Variants in CREBBP observed in about 807,000 individuals in gnomAD.
The protein encoded by CREBBP is CREB binding lysine acetyltransferase, also known as CREB-binding protein.
A neutral mutation model predicts 265.0 loss-of-function variants in CREBBP; 19 were observed. The ratio of observed to expected loss-of-function variants is 0.07; its 90% CI spans 0.05 to 0.11. The LOEUF is 0.11. Ranked by LOEUF, CREBBP falls within the 10% of genes least tolerant of loss-of-function variation. The pLI, the probability that CREBBP is intolerant of heterozygous loss-of-function variation, is 1.00. For missense variants in CREBBP, 2,525 were observed against 3,219.0 expected, an observed-to-expected ratio of 0.78 and a Z score of 5.22; for synonymous variants, 1,457 against 1,223.7, an observed-to-expected ratio of 1.19 and a Z score of -3.98.
chr16:3,748,413 G>A (rs761481529), intron 21 of CREBBP, among the ~76,000 whole-genome samples: 3 of 152,242 alleles, frequency 2.0e-5, no homozygotes, highest in Non-Finnish European at 2.9e-5. Context: ...AGGGGTGGGC[G>A]CTCTGCCCTG....
intron 1 of CREBBP, among the ~76,000 whole-genome samples, chr16:3,868,069 TAAG>T (rs1456636357): frequency 2.0e-5 from 3 of 151,658 alleles, no homozygotes; most frequent in Admixed American, 6.6e-5. Flanking sequence ...GCAAAAAGAG[TAAG>T]AAGAGACCAT....
chr16:3,748,583 G>T (rs1477263644), intron 21 of CREBBP, among the ~76,000 whole-genome samples: 1 of 152,222 alleles, frequency 6.6e-6, no homozygotes, highest in Non-Finnish European at 1.5e-5. Context: ...GGCTTCCCTG[G>T]AGAGGGTCAG....
intron 1 of CREBBP, among the ~76,000 whole-genome samples, chr16:3,858,769 T>C (rs1232256405): frequency 6.6e-6 from 1 of 152,216 alleles, no homozygotes; most frequent in Non-Finnish European, 1.5e-5. Context: ...TTTAAGACTT[T>C]TTCCTATTGC....
At chr16:3,775,951 T>C (rs890994072) in intron 11 of CREBBP, among the ~76,000 whole-genome samples, 4 of 151,980 alleles carry the variant, frequency 2.6e-5, no homozygotes, top group African/African-American at 9.7e-5. Flanking sequence ...GATTTCGCTC[T>C]TGTTGCCCAG....
intron 3 of CREBBP, 83 bp from the exon 4 acceptor site, chr16:3,793,709 A>C: frequency 6.7e-7 from 1 of 1,494,222 alleles, no homozygotes; most frequent in Non-Finnish European, 9.1e-7. Flanking sequence ...AAACAAAAGC[A>C]AAAGCTGATG....
chr16:3,873,093 TCA>T (rs1470531100), intron 1 of CREBBP, among the ~76,000 whole-genome samples: 1 of 152,228 alleles, frequency 6.6e-6, no homozygotes, highest in African/African-American at 2.4e-5. Context: ...TTCTAAGTAC[TCA>T]CAGGCATCTA....
intron 24 of CREBBP, 30 bp downstream of exon 24, chr16:3,740,369 C>T (rs765895433): frequency 1.2e-6 from 2 of 1,613,624 alleles, no homozygotes; most frequent in African/African-American, 1.3e-5. Context: ...GGACTGCTCG[C>T]AGAGCACTGT....
chr16:3,861,046 G>A (rs1261044666), intron 1 of CREBBP, among the ~76,000 whole-genome samples: 1 of 152,094 alleles, frequency 6.6e-6, no homozygotes, highest in East Asian at 1.9e-4. Flanking sequence ...GCAGACAGGT[G>A]GGTCACCTAT....
intron 14 of CREBBP, among the ~76,000 whole-genome samples, chr16:3,770,248 C>G (rs1285925325): frequency 6.6e-6 from 1 of 152,058 alleles, no homozygotes; most frequent in Non-Finnish European, 1.5e-5. Context: ...GTGGCGTGAT[C>G]TTGGCTCACT....
intron 21 of CREBBP, among the ~76,000 whole-genome samples, chr16:3,747,183 A>G (rs1029089463): frequency 1.3e-5 from 2 of 152,070 alleles, no homozygotes; most frequent in Non-Finnish European, 2.9e-5. Flanking sequence ...TCTCTACTAC[A>G]GAACAATGTC....
At chr16:3,751,692 C>A (rs1596839335) in intron 20 of CREBBP, 34 bp downstream of exon 20, 1 of 1,603,686 alleles carries the variant, frequency 6.2e-7, no homozygotes, top group East Asian at 2.2e-5. Context: ...GTCACCCTCC[C>A]TCACCCCAGA....
At position 3,728,682 on chromosome 16, in the gene CREBBP, T is replaced by C; in HGVS notation, c.6365A>G (p.Gln2122Arg). The change falls in exon 31 of 31, where the codon CAG becomes CGG. Residue 2122 changes from glutamine to arginine, a missense_variant. Coordinates refer to ENST00000262367, the MANE Select transcript of CREBBP (RefSeq NM_004380.3). This position sits in a 1 kb window ranked among gnomAD's most constrained non-coding sequence, Gnocchi z 8.7. Reference sequence around the variant, plus strand: ...CTGGGGTTGCATGCCGGGCTGGGACTGGAGGCCAGGCTGGGGCTGCATGCC... The same window carrying C: ...CTGGGGTTGCATGCCGGGCTGGGACCGGAGGCCAGGCTGGGGCTGCATGCC... ...QPGMQPQPGL[Q>R]SQPGMQPQPG... The C allele has an allele frequency of 6.2e-7, 1 of 1,613,864 alleles. No homozygotes were observed. The highest frequency in any genetic ancestry group is 8.5e-7 in the Non-Finnish European group (1 of 1,179,932).
chr16:3,767,544 C>T (rs1307934548), intron 16 of CREBBP, 176 bp downstream of exon 16: 5 of 810,434 alleles, frequency 6.2e-6, no homozygotes, highest in Non-Finnish European at 9.7e-6. Flanking sequence ...AGGCACAGGG[C>T]AGGGGTCCTG....
intron 23 of CREBBP, among the ~76,000 whole-genome samples, chr16:3,743,884 C>T (rs1228475341): frequency 6.6e-6 from 1 of 152,140 alleles, no homozygotes; most frequent in African/African-American, 2.4e-5. Flanking sequence ...TGAGACCGTC[C>T]TGGCCAACAT....
intron 1 of CREBBP, among the ~76,000 whole-genome samples, chr16:3,853,047 C>A (rs1597059765): frequency 6.6e-6 from 1 of 151,890 alleles, no homozygotes; most frequent in South Asian, 2.1e-4. Flanking sequence ...GCTGCCCACA[C>A]TGGACACCAG....
intron 2 of CREBBP, among the ~76,000 whole-genome samples, chr16:3,839,308 G>GT (rs1158327864): frequency 1.3e-5 from 2 of 152,208 alleles, no homozygotes; most frequent in Admixed American, 6.5e-5. Context: ...TGCTGCTGCA[G>GT]TAAGTACACT....
At chr16:3,829,345 A>G (rs1359122870) in intron 2 of CREBBP, among the ~76,000 whole-genome samples, 1 of 152,216 alleles carries the variant, frequency 6.6e-6, no homozygotes. Flanking sequence ...TCACTACGGG[A>G]CAACCATTAT....
chr16:3,848,348 G>A (rs1237331821), intron 2 of CREBBP, among the ~76,000 whole-genome samples: 2 of 152,092 alleles, frequency 1.3e-5, no homozygotes, highest in Non-Finnish European at 2.9e-5. Context: ...GTGCAGTCCA[G>A]GGTCCCAGAC....
chr16:3,804,309 A>T (rs770581947), intron 3 of CREBBP, among the ~76,000 whole-genome samples: 1 of 152,178 alleles, frequency 6.6e-6, no homozygotes, highest in Non-Finnish European at 1.5e-5. Context: ...TTCTTCAAGA[A>T]TACTTACGAC....
Sources: gnomAD v4.1 joint callset for allele counts (sites outside exome capture counted in the v4.1 genomes callset) on GRCh38, gnomAD v4.1.1 for gene constraint, Gnocchi (gnomAD v3.1) non-coding constraint, MANE v1.5 for transcripts, NCBI Gene and HGNC (gene_info 2026-07-23, HGNC 2026-07-21) for gene names.